Variants in CEP85L observed in about 807,000 individuals in gnomAD.
The protein encoded by CEP85L is centrosomal protein of 85 kDa-like.
Under a neutral mutation model 100.3 loss-of-function variants are expected in CEP85L, and 60 were observed. That is an observed-to-expected ratio of 0.60 (90% CI 0.49 to 0.74). The LOEUF (loss-of-function observed/expected upper bound fraction) is 0.74. Among genes scored for constraint, CEP85L ranks in the 30% least tolerant of loss-of-function variants. The pLI, the probability that CEP85L is intolerant of heterozygous loss-of-function variation, is 0.00. For synonymous variants in CEP85L, 319 were observed against 322.7 expected (o/e 0.99, Z 0.12); for missense variants, 973 against 936.2 (o/e 1.04, Z -0.51).
chr6:118,495,724 C>G (rs1774876104), intron 5 of CEP85L, among the ~76,000 whole-genome samples: 3 of 152,152 alleles, frequency 2.0e-5, no homozygotes, highest in Admixed American at 2.0e-4. Context: ...GTCATGAACT[C>G]TTAGGAGACG....
intron 2 of CEP85L, among the ~76,000 whole-genome samples, chr6:118,625,111 G>C (rs1441847784): frequency 6.6e-6 from 1 of 152,048 alleles, no homozygotes; most frequent in African/African-American, 2.4e-5. Context: ...TCACCAATCT[G>C]CCAGCCACAC....
At chr6:118,468,141 G>A (rs746216933) in intron 12 of CEP85L, among the ~76,000 whole-genome samples, 1 of 152,088 alleles carries the variant, frequency 6.6e-6, no homozygotes, top group African/African-American at 2.4e-5. Context: ...TGAAATGAAA[G>A]GGACATAGTT....
intron 7 of CEP85L, 103 bp from the exon 8 acceptor site, chr6:118,482,036 A>C: frequency 2.7e-6 from 1 of 363,984 alleles, no homozygotes; most frequent in Non-Finnish European, 4.3e-6. Flanking sequence ...TGTAGCTAAA[A>C]AAAAAAAAAA....
chr6:118,536,620 G>A (rs1227299986), intron 3 of CEP85L, among the ~76,000 whole-genome samples: 1 of 152,168 alleles, frequency 6.6e-6, no homozygotes, highest in Non-Finnish European at 1.5e-5. Flanking sequence ...TGTCGTGGCT[G>A]TAAGTTCCTA....
At position 118,565,777 on chromosome 6, in the gene CEP85L, C is replaced by CT; in HGVS notation, c.771_772insA (p.Ala258SerfsTer4). 1 of 1,614,126 alleles carries CT rather than the reference C, an allele frequency of 6.2e-7. No homozygotes were observed. The highest frequency in any genetic ancestry group is 8.5e-7 in the Non-Finnish European group (1 of 1,180,012). Reference sequence around the variant, plus strand: ...ATAATGGGCTTGCTTTCAGGTAAGGCACTATATGTCATGTCTACAGGCTGT... The same window carrying CT: ...ATAATGGGCTTGCTTTCAGGTAAGGCTACTATATGTCATGTCTACAGGCTGT... On this transcript the variant is annotated frameshift_variant, in exon 3 of 13. Coordinates refer to ENST00000368491, the MANE Select transcript of CEP85L (RefSeq NM_001042475.3). LOFTEE classifies it high-confidence loss of function.
intron 3 of CEP85L, among the ~76,000 whole-genome samples, chr6:118,562,566 C>T (rs73526179): frequency 0.013 from 1,928 of 152,116 alleles, 51 homozygotes; most frequent in African/African-American, 0.044. Flanking sequence ...GGTCTCATTG[C>T]CCAGGCTGGT....
intron 2 of CEP85L, 111 bp downstream of exon 2, chr6:118,632,342 T>A (rs1774220143): frequency 1.1e-6 from 1 of 881,512 alleles, no homozygotes; most frequent in Non-Finnish European, 1.7e-6. Flanking sequence ...TTATTAAATA[T>A]TCAAACACTA....
At chr6:118,482,914 G>A (rs955838239) in intron 7 of CEP85L, among the ~76,000 whole-genome samples, 12 of 152,138 alleles carry the variant, frequency 7.9e-5, no homozygotes, top group Non-Finnish European at 1.6e-4. Context: ...TTGAGTGGGG[G>A]TAACTTTACC....
At chr6:118,631,518 C>T (rs192531288) in intron 2 of CEP85L, among the ~76,000 whole-genome samples, 23 of 152,252 alleles carry the variant, frequency 1.5e-4, no homozygotes, top group Non-Finnish European at 1.3e-4. Flanking sequence ...AACCTATACC[C>T]ACATGTTTAT....
chr6:118,476,741 C>T (rs148734523), intron 10 of CEP85L, among the ~76,000 whole-genome samples: 111 of 152,180 alleles, frequency 7.3e-4, no homozygotes, highest in African/African-American at 2.5e-3. Flanking sequence ...CCAACCACGG[C>T]CAAGTAAACA....
Position 118,464,572 on chromosome 6 carries a change from G to C in CEP85L, c.*833C>G, listed in dbSNP as rs907461320. Reference sequence around the variant, plus strand: ...TCCAATGCCTTTATTAATTATATATGGCTTTGTTTACATTTATATATGTAT... The same window carrying C: ...TCCAATGCCTTTATTAATTATATATCGCTTTGTTTACATTTATATATGTAT... On this transcript the variant is annotated 3_prime_UTR_variant, in exon 13 of 13. Coordinates refer to ENST00000368491, the MANE Select transcript of CEP85L (RefSeq NM_001042475.3). 2 of 151,280 alleles carry C rather than the reference G, an allele frequency of 1.3e-5. No homozygotes were observed. The highest frequency in any genetic ancestry group is 3.0e-5 in the Non-Finnish European group (2 of 67,796). 9.4% of individuals were successfully genotyped at this position (151,280 alleles called of 1,614,324 possible). A position where few individuals can be genotyped will look rare whatever the true frequency, so the allele number is the denominator to read the frequency against.
intron 1 of CEP85L, among the ~76,000 whole-genome samples, chr6:118,672,777 G>A (rs887296231): frequency 2.0e-5 from 3 of 146,410 alleles, no homozygotes; most frequent in Non-Finnish European, 4.6e-5. Flanking sequence ...GAAGAAGAAA[G>A]AAGAAAGAAG....
At chr6:118,625,821 C>A (rs1021313229) in intron 2 of CEP85L, among the ~76,000 whole-genome samples, 1 of 152,154 alleles carries the variant, frequency 6.6e-6, no homozygotes, top group Non-Finnish European at 1.5e-5. Flanking sequence ...CACTCGCCTT[C>A]GGTCCCTGTA....
chr6:118,525,433 A>G (rs1776909158), intron 3 of CEP85L, among the ~76,000 whole-genome samples: 1 of 152,204 alleles, frequency 6.6e-6, no homozygotes, highest in Admixed American at 6.5e-5. Flanking sequence ...TTTGCAGATG[A>G]GTCAAGCTAA....
chr6:118,624,023 T>C (rs1480012102), intron 2 of CEP85L, among the ~76,000 whole-genome samples: 1 of 152,112 alleles, frequency 6.6e-6, no homozygotes, highest in African/African-American at 2.4e-5. Context: ...TGGACACCCC[T>C]TGAGGAACTT....
rs1441929344 is a variant in CEP85L at position 118,632,467 on chromosome 6, G to C, written c.218C>G (p.Ser73Cys). The C allele has an allele frequency of 3.1e-6, 5 of 1,605,690 alleles. No homozygotes were observed. Among genetic ancestry groups the C allele is most frequent in the Non-Finnish European group, 4.2e-6 (5 of 1,176,692 alleles). The change falls in exon 2 of 13, where the codon TCT (serine) becomes TGT (cysteine). Residue 73 changes from serine to cysteine, a missense_variant. Physicochemically the swap from Ser to Cys is moderately radical, Grantham distance 112. This residue lies in a region of CEP85L where 890 missense variants were observed against 844.5 expected (regional missense o/e 1.05). Transcript: ENST00000368491. ...TTTTAGCTCACCTTCCACGCTATCA[G>C]AACAGGAAGTTCCAATGCCAGTGTC... is the stretch of plus-strand genomic sequence containing the variant. ...SGDTGIGTSC[S>C]DSVEDHSTSS... is the part of the protein sequence containing the mutation.
chr6:118,611,715 G>T (rs972649343), intron 2 of CEP85L, among the ~76,000 whole-genome samples: 1 of 152,090 alleles, frequency 6.6e-6, no homozygotes, highest in Non-Finnish European at 1.5e-5. Context: ...ATTAACATCA[G>T]ATAAAGTAAG....
chr6:118,632,225 G>A (rs1349906991), intron 2 of CEP85L, among the ~76,000 whole-genome samples: 3 of 152,102 alleles, frequency 2.0e-5, no homozygotes, highest in African/African-American at 4.8e-5. Flanking sequence ...TCCTGACCTC[G>A]TGATCCGCCC....
At chr6:118,554,680 T>C (rs1260509211) in intron 3 of CEP85L, among the ~76,000 whole-genome samples, 1 of 152,178 alleles carries the variant, frequency 6.6e-6, no homozygotes, top group East Asian at 1.9e-4. Flanking sequence ...TAAAGCCCTA[T>C]TAAAAACCAG....
Sources: gnomAD v4.1 joint callset for allele counts (sites outside exome capture counted in the v4.1 genomes callset) on GRCh38, gnomAD v4.1.1 for gene constraint, gnomAD v4.1.1 regional missense constraint, MANE v1.5 for transcripts, NCBI Gene and HGNC (gene_info 2026-07-23, HGNC 2026-07-21) for gene names.